The following TRPC6 variants were observed in gnomAD, a reference collection of about 807,000 sequenced individuals.
TRPC6 encodes the protein short transient receptor potential channel 6.
A neutral mutation model predicts 90.7 loss-of-function variants in TRPC6; 55 were observed. That is an observed-to-expected ratio of 0.61 (90% CI 0.49 to 0.76). TRPC6 has a LOEUF of 0.76. TRPC6 is among the 30% of genes least tolerant of loss of function. The probability of loss-of-function intolerance (pLI) is 0.00; values close to 1 mark genes in which losing one functional copy is unlikely to be tolerated. For missense variants in TRPC6, 989 were observed against 1,122.7 expected (o/e 0.88, Z 1.70); for synonymous variants, 393 against 393.0 (o/e 1.00, Z 0.00).
In TRPC6 at chr11:101,504,373, G is replaced by C. The variant is rs1199221327; in HGVS notation, c.596C>G (p.Ser199Cys). 2 of 1,614,116 alleles carry C rather than the reference G, an allele frequency of 1.2e-6. No homozygotes were observed. The change falls in exon 2 of 13, where the codon TCT (serine) becomes TGT (cysteine). Residue 199 changes from serine to cysteine, a missense_variant. By Grantham distance (112) the Ser-to-Cys change is moderately radical. Transcript: ENST00000344327. ...GKRLATSPSQ[S>C]ELQQDDFYAY... ...ATAAAAATCATCTTGCTGGAGTTCA[G>C]ACTGGCTAGGGCTGGTTGCTAACCT...
intron 1 of TRPC6, among the ~76,000 whole-genome samples, chr11:101,541,792 T>A (rs563543183): frequency 6.6e-6 from 1 of 152,208 alleles, no homozygotes; most frequent in African/African-American, 2.4e-5. Context: ...TTCTTAATAA[T>A]TCAAGAGCTA....
intron 1 of TRPC6, among the ~76,000 whole-genome samples, chr11:101,551,119 C>G (rs1861439896): frequency 1.3e-5 from 2 of 151,874 alleles, no homozygotes; most frequent in African/African-American, 4.8e-5. Context: ...CTTTAGGAAT[C>G]AGAAAATAGT....
At chr11:101,545,444 G>T (rs1190370740) in intron 1 of TRPC6, among the ~76,000 whole-genome samples, 1 of 152,078 alleles carries the variant, frequency 6.6e-6, no homozygotes, top group African/African-American at 2.4e-5. Context: ...ATCCCCTATG[G>T]ATAGTAAGGA....
At position 101,508,619 on chromosome 11, in the gene TRPC6, AT is replaced by A. The variant is rs534086142; in HGVS notation, c.171-3822del. 5.1e-3 allele frequency among the ~76,000 whole-genome samples: 775 copies of A among 152,170 alleles called. 8 individuals carry two copies. The highest frequency in any genetic ancestry group is 0.018 in the African/African-American group (743 of 41,492). On this transcript the variant is annotated intron_variant, in intron 1 of 12. Coordinates refer to ENST00000344327, the MANE Select transcript of TRPC6 (RefSeq NM_004621.6). Reference sequence around the variant, plus strand: ...GTATTTATTGCTTTGCGTAGTTTCTATTGTAGACAAGAGGAAGTTCAAAGAT... The same window carrying A: ...GTATTTATTGCTTTGCGTAGTTTCTATGTAGACAAGAGGAAGTTCAAAGAT...
rs564732895 is a variant in TRPC6 at position 101,535,321 on chromosome 11, A to T, written c.171-30523T>A. ...GGTAAAAACTTTCCAGAATGCTCAG[A>T]AGTAGCATGTTCTAGTTAACTTATT... On this transcript the variant is annotated intron_variant, in intron 1 of 12. Coordinates refer to ENST00000344327, the MANE Select transcript of TRPC6 (RefSeq NM_004621.6). 3.9e-5 allele frequency among the ~76,000 whole-genome samples: 6 copies of T among 152,298 alleles called. 1 individual carries two copies. In the South Asian group the frequency reaches 1.2e-3, roughly 32 times the overall value.
chr11:101,544,643 C>T (rs895664691), intron 1 of TRPC6, among the ~76,000 whole-genome samples: 6 of 151,894 alleles, frequency 4.0e-5, no homozygotes, highest in Admixed American at 3.3e-4. Context: ...GAAAAACAAA[C>T]ACCACACGTT....
At chr11:101,516,756 T>C (rs940001677) in intron 1 of TRPC6, among the ~76,000 whole-genome samples, 1 of 152,208 alleles carries the variant, frequency 6.6e-6, no homozygotes, top group Non-Finnish European at 1.5e-5. Context: ...AATTTCATCC[T>C]GGGAACGCAG....
At chr11:101,547,070 G>A (rs993219862) in intron 1 of TRPC6, among the ~76,000 whole-genome samples, 1 of 152,148 alleles carries the variant, frequency 6.6e-6, no homozygotes, top group Non-Finnish European at 1.5e-5. Flanking sequence ...CAAGAGTCAG[G>A]TCAGAAAGAG....
intron 12 of TRPC6, among the ~76,000 whole-genome samples, 169 bp from the exon 13 acceptor site, chr11:101,453,275 GT>G (rs1858805587): frequency 1.3e-5 from 2 of 152,150 alleles, no homozygotes; most frequent in Admixed American, 1.3e-4. Flanking sequence ...TTAGCTAAGT[GT>G]TTTTGTGAAT....
At chr11:101,532,572 G>A (rs187265777) in intron 1 of TRPC6, among the ~76,000 whole-genome samples, 9 of 152,308 alleles carry the variant, frequency 5.9e-5, no homozygotes. Flanking sequence ...GACTGTCCAA[G>A]AGGTGGAAGT....
intron 1 of TRPC6, among the ~76,000 whole-genome samples, chr11:101,581,669 G>C (rs977714261): frequency 6.6e-6 from 1 of 152,122 alleles, no homozygotes; most frequent in African/African-American, 2.4e-5. Flanking sequence ...CACCTTCAAA[G>C]TACATTTTAA....
In TRPC6 at chr11:101,452,915, A is replaced by G; in HGVS notation, c.*40T>C. ...TAAATCAGAAAATAATATGGCTTCA[A>G]GTGGACAAATAAATATGAATTTCTA... On this transcript the variant is annotated 3_prime_UTR_variant, in exon 13 of 13. Transcript: ENST00000344327. 1 of 1,611,270 alleles carries G rather than the reference A, an allele frequency of 6.2e-7. No homozygotes were observed. The highest frequency in any genetic ancestry group is 1.1e-5 in the South Asian group (1 of 90,934).
chr11:101,575,301 T>C (rs1300647695), intron 1 of TRPC6, among the ~76,000 whole-genome samples: 1 of 152,208 alleles, frequency 6.6e-6, no homozygotes, highest in Non-Finnish European at 1.5e-5. Flanking sequence ...CACAATTTTG[T>C]TAACATTCAT....
intron 1 of TRPC6, among the ~76,000 whole-genome samples, chr11:101,506,908 A>T (rs1860281393): frequency 6.6e-6 from 1 of 151,970 alleles, no homozygotes; most frequent in East Asian, 1.9e-4. Context: ...TTATAACCAC[A>T]TAGCTTTGGT....
At chr11:101,507,011 A>G (rs958243525) in intron 1 of TRPC6, among the ~76,000 whole-genome samples, 11 of 102,654 alleles carry the variant, frequency 1.1e-4, no homozygotes, top group Admixed American at 2.0e-4. Flanking sequence ...TCTCTAACAC[A>G]CACACACACA....
At chr11:101,457,326 A>G (rs4522135) in intron 10 of TRPC6, among the ~76,000 whole-genome samples, 47,451 of 151,880 alleles carry the variant, frequency 0.31, 9,641 homozygotes, top group African/African-American at 0.58. Context: ...TTCTTTATTC[A>G]TTTTCTTTTT....
At chr11:101,488,877 T>TCCC in intron 4 of TRPC6, 60 bp downstream of exon 4, 1 of 1,597,746 alleles carries the variant, frequency 6.3e-7, no homozygotes, top group Non-Finnish European at 8.6e-7. Flanking sequence ...GAGATAAGAT[T>TCCC]TTTCCCCACT....
At chr11:101,500,836 C>T (rs528284099) in intron 2 of TRPC6, among the ~76,000 whole-genome samples, 11 of 152,016 alleles carry the variant, frequency 7.2e-5, no homozygotes, top group Non-Finnish European at 1.2e-4. Flanking sequence ...CTATTCTGAA[C>T]ATTAAAGAAG....
chr11:101,465,052 G>A (rs1005691441), intron 10 of TRPC6, among the ~76,000 whole-genome samples: 1 of 152,108 alleles, frequency 6.6e-6, no homozygotes, highest in Non-Finnish European at 1.5e-5. Flanking sequence ...CACTTGTGAA[G>A]CTTAGTTTGG....
Sources: gnomAD v4.1 joint callset for allele counts (sites outside exome capture counted in the v4.1 genomes callset) on GRCh38, gnomAD v4.1.1 for gene constraint, MANE v1.5 for transcripts, NCBI Gene and HGNC (gene_info 2026-07-23, HGNC 2026-07-21) for gene names.